CCM2: variants seen among roughly 807,000 people sequenced by gnomAD.
CCM2 encodes the protein cerebral cavernous malformations 2 protein.
Under a neutral mutation model 44.9 loss-of-function variants are expected in CCM2, and 25 were observed. The ratio of observed to expected loss-of-function variants is 0.56; its 90% CI spans 0.41 to 0.78. CCM2 has a LOEUF of 0.78. CCM2 is among the 30% of genes least tolerant of loss of function. The pLI is 0.00. For synonymous variants in CCM2, 219 were observed against 241.1 expected, an observed-to-expected ratio of 0.91 and a Z score of 0.85; for missense variants, 481 against 580.6, an observed-to-expected ratio of 0.83 and a Z score of 1.76.
intron 1 of CCM2, among the ~76,000 whole-genome samples, chr7:45,022,290 CTTTTTTTT>C (rs34095527): frequency 4.4e-5 from 2 of 45,430 alleles, no homozygotes; most frequent in Non-Finnish European, 7.6e-5. Flanking sequence ...TTTGGACCAG[CTTTTTTTT>C]TTTTTTTTTT....
At chr7:45,028,549 T>G (rs1796799308) in intron 1 of CCM2, among the ~76,000 whole-genome samples, 1 of 151,846 alleles carries the variant, frequency 6.6e-6, no homozygotes, top group African/African-American at 2.4e-5. Flanking sequence ...CCCAGCTATT[T>G]GGGAGGCTGA....
chr7:45,038,509 T>C, intron 2 of CCM2, 83 bp downstream of exon 2: 1 of 1,416,784 alleles, frequency 7.1e-7, no homozygotes, highest in Non-Finnish European at 9.9e-7. Flanking sequence ...CTTGAGTTTA[T>C]AAGACACAGC....
chr7:45,024,533 T>A (rs1796611931), intron 1 of CCM2, among the ~76,000 whole-genome samples: 2 of 152,230 alleles, frequency 1.3e-5, no homozygotes, highest in Non-Finnish European at 2.9e-5. Context: ...CTCTCTTGGA[T>A]GATCCTCGTT....
intron 2 of CCM2, among the ~76,000 whole-genome samples, chr7:45,044,173 G>A (rs1449833840): frequency 6.6e-6 from 1 of 151,992 alleles, no homozygotes. Flanking sequence ...TCGCTCTGTC[G>A]CCCAGGCTGG....
intron 7 of CCM2, 167 bp downstream of exon 7, chr7:45,072,950 C>T: frequency 1.4e-6 from 1 of 697,282 alleles, no homozygotes; most frequent in South Asian, 1.5e-5. Flanking sequence ...TGGCTCGCCG[C>T]CCTCTCCTCG....
intron 1 of CCM2, among the ~76,000 whole-genome samples, chr7:45,022,891 C>T (rs1364976636): frequency 1.3e-5 from 2 of 152,046 alleles, no homozygotes; most frequent in East Asian, 1.9e-4. Flanking sequence ...CAGGTGCCCA[C>T]CACCACGCCT....
intron 2 of CCM2, among the ~76,000 whole-genome samples, chr7:45,061,456 CTTTTTTTT>C (rs57140747): frequency 1.6e-5 from 2 of 122,284 alleles, no homozygotes; most frequent in Non-Finnish European, 3.4e-5. Context: ...TTCTTTCTTT[CTTTTTTTT>C]TTTTTTTTTT....
rs568899021 is a variant in CCM2, at chr7:45,025,592, G to A, written c.31-12661G>A. ...CTTGTTGCCCAGGCTGGAGTGCAAT[G>A]GCGTGATCTCACCTCACCGCAACCT... On this transcript the variant is annotated intron_variant, in intron 1 of 9. Coordinates refer to ENST00000258781, the MANE Select transcript of CCM2 (RefSeq NM_031443.4). Among the ~76,000 whole-genome samples, 34 of 149,274 alleles carry A rather than the reference G, an allele frequency of 2.3e-4. No homozygotes were observed. In the South Asian group the frequency reaches 7.0e-3, roughly 31 times the overall value.
chr7:45,004,991 C>A (rs1236308891), intron 1 of CCM2, among the ~76,000 whole-genome samples: 3 of 87,618 alleles, frequency 3.4e-5, no homozygotes, highest in African/African-American at 1.9e-4. Flanking sequence ...AGTAAGACTC[C>A]GTCTCAAAAA....
chr7:45,017,003 T>G (rs1469509169), intron 1 of CCM2, among the ~76,000 whole-genome samples: 1 of 150,720 alleles, frequency 6.6e-6, no homozygotes, highest in Admixed American at 6.6e-5. Context: ...TCTCCTGACC[T>G]CGTGATCCAC....
intron 2 of CCM2, among the ~76,000 whole-genome samples, chr7:45,056,453 A>C (rs1798266153): frequency 6.6e-6 from 1 of 152,176 alleles, no homozygotes; most frequent in Non-Finnish European, 1.5e-5. Context: ...TCAGGAGTTC[A>C]AGACCAGCCT....
chr7:45,072,730 C>G lies in CCM2; in HGVS notation c.750C>G (p.Asp250Glu), dbSNP rs1187503529. 1.6e-5 allele frequency: 26 copies of G among 1,612,362 alleles called. No individual in the cohort carries two copies. Among genetic ancestry groups the G allele is most frequent in the Non-Finnish European group, 2.0e-5 (23 of 1,179,098 alleles). The change falls in exon 7 of 10, where the codon GAC becomes GAG. Residue 250 changes from aspartate (D) to glutamate (E), a missense_variant. Physicochemically the swap from Asp to Glu is conservative, Grantham distance 45 (BLOSUM62 2). Transcript: ENST00000258781. The stretch of plus-strand genomic sequence containing the variant: ...TTTTCTGCATCTTCCTTACAGATGA[C>G]TCTTCTACAAAAGTGGACATTAAGG... ...PTHHLSLHSD[D>E]SSTKVDIKET...
chr7:45,059,515 C>A (rs774237735), intron 2 of CCM2, among the ~76,000 whole-genome samples: 1 of 151,752 alleles, frequency 6.6e-6, no homozygotes, highest in Non-Finnish European at 1.5e-5. Flanking sequence ...AAGGCCGAGG[C>A]GGGCGGATTG....
chr7:45,027,481 T>C (rs1463944823), intron 1 of CCM2: 1 of 694,276 alleles, frequency 1.4e-6, no homozygotes, highest in Non-Finnish European at 2.4e-6. Context: ...GTAGGGAAAA[T>C]GAGCTGGTTT....
intron 2 of CCM2, among the ~76,000 whole-genome samples, chr7:45,062,497 G>T (rs1798571177): frequency 6.6e-6 from 1 of 152,166 alleles, no homozygotes; most frequent in Non-Finnish European, 1.5e-5. Flanking sequence ...TAAATGTTTT[G>T]TGCTGCTATA....
chr7:45,043,497 A>G (rs1459572949), intron 2 of CCM2, among the ~76,000 whole-genome samples: 1 of 152,102 alleles, frequency 6.6e-6, no homozygotes, highest in Non-Finnish European at 1.5e-5. Flanking sequence ...CTGAGGATGC[A>G]AGGCTGGTTT....
rs142557882 is a variant in CCM2 at position 45,051,852 on chromosome 7, C to T, written c.205-12066C>T. 2.2e-3 allele frequency among the ~76,000 whole-genome samples: 338 copies of T among 151,008 alleles called. 2 individuals are homozygous for T. The highest frequency in any genetic ancestry group is 7.4e-3 in the African/African-American group (305 of 41,036). Reference sequence around the variant, plus strand: ...CTGGGATTATAGGCATGAGCCACTGCGCCCGGCCACGCCTGGCTAATTTTT... The same window carrying T: ...CTGGGATTATAGGCATGAGCCACTGTGCCCGGCCACGCCTGGCTAATTTTT... On this transcript the variant is annotated intron_variant, in intron 2 of 9. Transcript: ENST00000258781.
chr7:45,060,259 T>C (rs979984614), intron 2 of CCM2, among the ~76,000 whole-genome samples: 1 of 152,244 alleles, frequency 6.6e-6, no homozygotes, highest in African/African-American at 2.4e-5. Flanking sequence ...CTTGCTTGGA[T>C]GGTTCCTGAA....
chr7:45,066,801 G>A (rs1437223701), intron 4 of CCM2, among the ~76,000 whole-genome samples: 3 of 152,156 alleles, frequency 2.0e-5, no homozygotes, highest in African/African-American at 7.2e-5. Flanking sequence ...AACTACCACA[G>A]GCACACACCA....
Sources: allele counts gnomAD v4.1 joint callset (sites outside exome capture counted in the v4.1 genomes callset), GRCh38; gene constraint gnomAD v4.1.1; transcripts MANE v1.5; gene names NCBI Gene and HGNC (gene_info 2026-07-23, HGNC 2026-07-21).